The following PCDHA7 variants were observed in gnomAD, a reference collection of about 807,000 sequenced individuals.
The protein encoded by PCDHA7 is protocadherin alpha-7.
A neutral mutation model predicts 57.2 loss-of-function variants in PCDHA7; 37 were observed. That is an observed-to-expected ratio of 0.65 (90% CI 0.50 to 0.85). PCDHA7 has a LOEUF of 0.85. Among genes scored for constraint, PCDHA7 ranks in the 40% least tolerant of loss-of-function variants. The pLI is 0.00. For synonymous variants in PCDHA7, 553 were observed against 558.8 expected (o/e 0.99, Z 0.15); for missense variants, 1,188 against 1,241.8 (o/e 0.96, Z 0.65).
intron 1 of PCDHA7, among the ~76,000 whole-genome samples, chr5:140,889,687 T>C (rs1190333599): frequency 1.3e-5 from 2 of 152,198 alleles, no homozygotes; most frequent in African/African-American, 4.8e-5. Context: ...AACCTTTTAG[T>C]ATTATGGGCA....
intron 1 of PCDHA7, chr5:140,865,437 T>G (rs951308725): frequency 2.0e-5 from 3 of 152,200 alleles, no homozygotes; most frequent in Admixed American, 6.5e-5. Flanking sequence ...GAAAAATAAC[T>G]TCTGAGAAGA....
At chr5:140,936,112 C>T (rs782017334) in intron 1 of PCDHA7, among the ~76,000 whole-genome samples, 2 of 152,008 alleles carry the variant, frequency 1.3e-5, no homozygotes, top group Non-Finnish European at 2.9e-5. Context: ...AGGCTGGTCT[C>T]GAACTCCTGA....
At chr5:140,874,217 A>G (rs2054785474) in intron 1 of PCDHA7, among the ~76,000 whole-genome samples, 1 of 152,214 alleles carries the variant, frequency 6.6e-6, no homozygotes, top group African/African-American at 2.4e-5. Flanking sequence ...TATTATATGC[A>G]GTAGGAATGA....
chr5:140,988,526 G>C (rs1330767394), intron 3 of PCDHA7, among the ~76,000 whole-genome samples: 2 of 152,088 alleles, frequency 1.3e-5, no homozygotes, highest in Admixed American at 1.3e-4. Flanking sequence ...GTCTCTGCTG[G>C]CTCCATCCAT....
intron 1 of PCDHA7, chr5:140,854,181 AGTTT>A (rs1554147112): frequency 9.2e-6 from 4 of 434,258 alleles, no homozygotes; most frequent in Non-Finnish European, 1.2e-5. Flanking sequence ...AAAAAAGAGT[AGTTT>A]AACTACTCCC....
rs75032728 is a variant in PCDHA7 at position 140,932,740 on chromosome 5, T to C, written c.2356-46209T>C. On this transcript the variant is annotated intron_variant, in intron 1 of 3. Coordinates refer to ENST00000525929, the MANE Select transcript of PCDHA7 (RefSeq NM_018910.3). The stretch of plus-strand genomic sequence containing the variant: ...ATATTGTATAATATAGACCCTCAAA[T>C]CAGTAAAAAGGAAAGAAAAAGAACA... 5.5e-3 allele frequency among the ~76,000 whole-genome samples: 829 copies of C among 151,670 alleles called. 4 individuals carry two copies. The highest frequency in any genetic ancestry group is 0.019 in the African/African-American group (798 of 41,410).
chr5:140,850,089 C>G (rs2150466506), intron 1 of PCDHA7: 1 of 1,596,512 alleles, frequency 6.3e-7, no homozygotes, highest in Non-Finnish European at 8.6e-7. Flanking sequence ...GGAGCTGCTA[C>G]AGTTCCAGGT....
At chr5:140,999,766 A>G (rs1417826824) in intron 3 of PCDHA7, among the ~76,000 whole-genome samples, 2 of 152,180 alleles carry the variant, frequency 1.3e-5, no homozygotes, top group African/African-American at 2.4e-5. Flanking sequence ...TGATGTCTTT[A>G]TACTCTTAAC....
Position 140,938,107 on chromosome 5 carries a change from T to C in PCDHA7, c.2356-40842T>C, listed in dbSNP as rs73266057. On this transcript the variant is annotated intron_variant, in intron 1 of 3. Coordinates refer to ENST00000525929, the MANE Select transcript of PCDHA7 (RefSeq NM_018910.3). ...TAGTTTTATTATTGTATTTTTTACT[T>C]TCTCTCTTTTTTTAAAAAAATAGAG... is the stretch of plus-strand genomic sequence containing the variant. 3.3e-3 allele frequency among the ~76,000 whole-genome samples: 502 copies of C among 152,318 alleles called. 3 individuals carry two copies. Among genetic ancestry groups the C allele is most frequent in the African/African-American group, 0.012 (483 of 41,576 alleles).
intron 1 of PCDHA7, among the ~76,000 whole-genome samples, chr5:140,932,490 A>G (rs1330943965): frequency 6.6e-6 from 1 of 151,852 alleles, no homozygotes; most frequent in South Asian, 2.1e-4. Context: ...CCTCTTTGCA[A>G]TGTCATTTGT....
In PCDHA7 at chr5:140,857,075, A is replaced by C. The variant is rs782381292; in HGVS notation, c.2355+20337A>C. On this transcript the variant is annotated intron_variant, in intron 1 of 3. Coordinates refer to ENST00000525929, the MANE Select transcript of PCDHA7 (RefSeq NM_018910.3). ...GGTCCTAGTGGAACTACTGGATGAA[A>C]ATGATAATTCACCTGAGGTGATTGT... is the stretch of plus-strand genomic sequence containing the variant. 10 of 1,597,052 alleles carry C rather than the reference A, an allele frequency of 6.3e-6. 1 individual carries two copies. The highest frequency in any genetic ancestry group is 8.6e-6 in the Non-Finnish European group (10 of 1,166,684).
At position 140,843,279 on chromosome 5, in the gene PCDHA7, A is replaced by T. The variant is rs1778750894; in HGVS notation, c.2355+6541A>T. 3.8e-6 allele frequency: 6 copies of T among 1,595,936 alleles called. 2 individuals carry two copies. Among genetic ancestry groups the T allele is most frequent in the Non-Finnish European group, 4.3e-6 (5 of 1,165,554 alleles). On this transcript the variant is annotated intron_variant, in intron 1 of 3. Coordinates refer to ENST00000525929, the MANE Select transcript of PCDHA7 (RefSeq NM_018910.3). ...CACCGTCTGCTGGTCCTGGTGAAGGATCATGGTGAACCTGCGCTGACCGCC... is the reference window on the plus strand; with the variant it reads ...CACCGTCTGCTGGTCCTGGTGAAGGTTCATGGTGAACCTGCGCTGACCGCC...
intron 3 of PCDHA7, among the ~76,000 whole-genome samples, chr5:140,997,002 G>T (rs534893055): frequency 1.3e-5 from 2 of 152,118 alleles, no homozygotes; most frequent in East Asian, 1.9e-4. Context: ...TAACAATTTT[G>T]TGTGTATCCT....
At chr5:140,890,752 G>A (rs2062783323) in intron 1 of PCDHA7, among the ~76,000 whole-genome samples, 1 of 151,990 alleles carries the variant, frequency 6.6e-6, no homozygotes, top group East Asian at 1.9e-4. Context: ...TTTCTGTCAT[G>A]CTTTAAAAAT....
At chr5:140,862,360 G>A (rs920511235) in intron 1 of PCDHA7, 3 of 334,748 alleles carry the variant, frequency 9.0e-6, no homozygotes, top group Non-Finnish European at 1.8e-5. Context: ...AGGGACAGAC[G>A]ACCCGCACCC....
At chr5:140,948,136 T>C (rs2094216707) in intron 1 of PCDHA7, among the ~76,000 whole-genome samples, 1 of 151,776 alleles carries the variant, frequency 6.6e-6, no homozygotes, top group African/African-American at 2.4e-5. Flanking sequence ...ATTACACTAA[T>C]TGATTTTTGA....
chr5:140,841,696 T>C lies in PCDHA7; in HGVS notation c.2355+4958T>C, dbSNP rs2150321005. The C allele has an allele frequency of 6.8e-6, 11 of 1,613,722 alleles. No homozygotes were observed. In the East Asian group the frequency reaches 1.8e-4, roughly 26 times the overall value. Reference sequence around the variant, plus strand: ...TCCATGTGGACGTGGAGGTGAAGGATGTTAATGACAACCCGCCAGTGTTCC... The same window carrying C: ...TCCATGTGGACGTGGAGGTGAAGGACGTTAATGACAACCCGCCAGTGTTCC... On this transcript the variant is annotated intron_variant, in intron 1 of 3. Coordinates refer to ENST00000525929, the MANE Select transcript of PCDHA7 (RefSeq NM_018910.3).
intron 1 of PCDHA7, among the ~76,000 whole-genome samples, chr5:140,972,550 A>G (rs534377572): frequency 6.6e-6 from 1 of 152,114 alleles, no homozygotes; most frequent in Admixed American, 6.5e-5. Context: ...TGCAGTGAGG[A>G]TTCTGAAGTA....
intron 1 of PCDHA7, among the ~76,000 whole-genome samples, chr5:140,908,378 C>T (rs951348145): frequency 2.6e-5 from 4 of 152,126 alleles, no homozygotes; most frequent in Admixed American, 6.6e-5. Context: ...AGGACCTGCT[C>T]GAGCCCGATC....
Sources: allele counts gnomAD v4.1 joint callset (sites outside exome capture counted in the v4.1 genomes callset), GRCh38; gene constraint gnomAD v4.1.1; transcripts MANE v1.5; gene names NCBI Gene and HGNC (gene_info 2026-07-23, HGNC 2026-07-21).